EP400: variants seen among roughly 807,000 people sequenced by gnomAD.
EP400 encodes the protein E1A-binding protein p400.
Under a neutral mutation model 354.1 loss-of-function variants are expected in EP400, and 105 were observed. The observed-to-expected ratio is 0.30, with a 90% confidence interval of 0.25 to 0.35. The LOEUF is 0.35. Among genes scored for constraint, EP400 ranks in the 10% least tolerant of loss-of-function variants. The pLI, the probability that EP400 is intolerant of heterozygous loss-of-function variation, is 1.00. For synonymous variants in EP400, 1,646 were observed against 1,716.9 expected (o/e 0.96, Z 1.02); for missense variants, 3,280 against 4,121.0 (o/e 0.80, Z 5.59).
At position 131,990,688 on chromosome 12, in the gene EP400, TA is replaced by T; in HGVS notation, c.2606del (p.Asn869IlefsTer12). On this transcript the variant is annotated frameshift_variant, in exon 9 of 53. Transcript: ENST00000389561. LOFTEE classifies it high-confidence loss of function. The surrounding 1 kb of genome is among the most constrained non-coding windows in gnomAD (Gnocchi z 4.2). ...TTAGAAGAAAAAAGGAAGAAGGCCT[TA>T]AATTTACAGAAAGTTTCCAGGAGAG... The part of the protein sequence containing the change: ...VELEEKRKKA[L>X]NLQKVSRRGK... 1 of 1,612,784 alleles carries T rather than the reference TA, an allele frequency of 6.2e-7. No individual in the cohort carries two copies.
chr12:131,955,571 C>A (rs1356690768), intron 1 of EP400, among the ~76,000 whole-genome samples: 1 of 150,872 alleles, frequency 6.6e-6, no homozygotes, highest in Admixed American at 6.6e-5. Context: ...CGTGAGCCAG[C>A]GTGCTCATCC....
At chr12:131,950,488 AC>A (rs1238031095) in intron 1 of EP400, among the ~76,000 whole-genome samples, 3 of 151,940 alleles carry the variant, frequency 2.0e-5, no homozygotes, top group Admixed American at 2.0e-4. Context: ...GACGTCCAGA[AC>A]CACTTTCCTG....
At chr12:132,010,540 G>A (rs1893731408) in intron 15 of EP400, among the ~76,000 whole-genome samples, 1 of 152,178 alleles carries the variant, frequency 6.6e-6, no homozygotes, top group South Asian at 2.1e-4. Context: ...TGGATGTGTT[G>A]TAAATATTTG....
rs1436905820 is a variant in EP400 at position 131,961,666 on chromosome 12, G to A, written c.1047G>A (p.Lys349=). The change falls in exon 2 of 53, where the codon AAG becomes AAA. Residue 349 remains lysine (K), a synonymous_variant. Coordinates refer to ENST00000389561, the MANE Select transcript of EP400 (RefSeq NM_015409.5). ...VGNTGMKKVP[K]KLEEIPPASP... Reference sequence around the variant, plus strand: ...ACACGGGAATGAAGAAGGTTCCCAAGAAGTTAGAGGAGATTCCCCCAGCCT... The same window carrying A: ...ACACGGGAATGAAGAAGGTTCCCAAAAAGTTAGAGGAGATTCCCCCAGCCT... The A allele has an allele frequency of 1.2e-6, 2 of 1,611,598 alleles. No individual in the cohort carries two copies. The highest frequency in any genetic ancestry group is 4.5e-5 in the East Asian group (2 of 44,816).
In EP400 at chr12:132,055,095, G is replaced by T. The variant is rs375837126; in HGVS notation, c.7775-4G>T. 2 of 1,613,748 alleles carry T rather than the reference G, an allele frequency of 1.2e-6. No individual in the cohort carries two copies. The highest frequency in any genetic ancestry group is 2.2e-5 in the South Asian group (2 of 91,036). On this transcript the variant is annotated splice_region_variant and splice_polypyrimidine_tract_variant and intron_variant, in intron 44 of 52. Transcript: ENST00000389561. ...TGTTGCCTTATGCCCGCCTGTCTCC[G>T]CAGGTGCCGTGAGTGGAAATGTGAT... is the stretch of plus-strand genomic sequence containing the variant.
intron 2 of EP400, among the ~76,000 whole-genome samples, chr12:131,967,698 A>G (rs1031202874): frequency 2.0e-5 from 3 of 151,948 alleles, no homozygotes; most frequent in African/African-American, 7.2e-5. Flanking sequence ...TCAAAAAGAA[A>G]AAAAAAAAAA....
chr12:132,004,672 A>G (rs1249934412), intron 12 of EP400, among the ~76,000 whole-genome samples: 4 of 152,182 alleles, frequency 2.6e-5, no homozygotes, highest in African/African-American at 9.7e-5. Context: ...TATAGAGAAA[A>G]TATTTTATAC....
chr12:132,048,603 AC>A (rs1210355650), intron 39 of EP400, among the ~76,000 whole-genome samples: 3 of 151,248 alleles, frequency 2.0e-5, no homozygotes, highest in Non-Finnish European at 4.4e-5. Context: ...GCTCACTGCA[AC>A]CTCTGCCTCT....
intron 1 of EP400, among the ~76,000 whole-genome samples, chr12:131,957,077 G>A (rs1178930345): frequency 6.6e-6 from 1 of 151,782 alleles, no homozygotes. Flanking sequence ...TACCATATTG[G>A]TCAGGCTGGT....
At chr12:131,960,390 G>A (rs371965516) in intron 1 of EP400, among the ~76,000 whole-genome samples, 195 bp from the exon 2 acceptor site, 1 of 152,144 alleles carries the variant, frequency 6.6e-6, no homozygotes, top group Non-Finnish European at 1.5e-5. Context: ...ACCCACTCCC[G>A]TGTGGCCCAC....
At chr12:132,062,357 G>A (rs769848991) in intron 46 of EP400, 34 bp downstream of exon 46, 5 of 1,613,402 alleles carry the variant, frequency 3.1e-6, no homozygotes, top group Admixed American at 3.3e-5. Context: ...TCTGCCACAC[G>A]TCTGCTCTGG....
At chr12:131,974,115 A>G (rs1362770720) in intron 2 of EP400, among the ~76,000 whole-genome samples, 1 of 151,340 alleles carries the variant, frequency 6.6e-6, no homozygotes, top group Non-Finnish European at 1.5e-5. Context: ...AGTAGCTGGG[A>G]CTACAGGCGT....
rs1394630372 is a variant in EP400 at position 132,018,442 on chromosome 12, A to G, written c.4277+66A>G. ...GGGCCCCCACAGCTGACCCAGGTCT[A>G]TGCGTGGTGAAAAGAAAGGCTGCTA... On this transcript the variant is annotated intron_variant, in intron 21 of 52. Transcript: ENST00000389561. The surrounding 1 kb of genome is among the most constrained non-coding windows in gnomAD (Gnocchi z 4.0). 1.3e-6 allele frequency: 2 copies of G among 1,532,914 alleles called. No individual in the cohort carries two copies. Among genetic ancestry groups the G allele is most frequent in the East Asian group, 4.5e-5 (2 of 44,262 alleles). 95.0% of individuals were successfully genotyped at this position (1,532,914 alleles called of 1,614,324 possible).
chr12:132,013,956 C>T lies in EP400; in HGVS notation c.3923+43C>T, dbSNP rs1893842717. The T allele has an allele frequency of 1.2e-6, 2 of 1,600,168 alleles. No homozygotes were observed. The highest frequency in any genetic ancestry group is 1.3e-5 in the African/African-American group (1 of 74,170). On this transcript the variant is annotated intron_variant, in intron 19 of 52. Coordinates refer to ENST00000389561, the MANE Select transcript of EP400 (RefSeq NM_015409.5). This position sits in a 1 kb window ranked among gnomAD's most constrained non-coding sequence, Gnocchi z 4.5. ...GCATGTGCCCCCTTTGCTGTCCCTGCCTGTGAGGGAAAACGGCCCTTTCTG... is the reference window on the plus strand; with the variant it reads ...GCATGTGCCCCCTTTGCTGTCCCTGTCTGTGAGGGAAAACGGCCCTTTCTG...
intron 16 of EP400, among the ~76,000 whole-genome samples, chr12:132,012,504 A>G (rs1270361526): frequency 6.6e-6 from 1 of 152,222 alleles, no homozygotes; most frequent in African/African-American, 2.4e-5. Flanking sequence ...CCTTGAGAGC[A>G]GGGAAGTCTC....
At chr12:131,998,068 T>A (rs1197601228) in intron 12 of EP400, among the ~76,000 whole-genome samples, 1 of 152,238 alleles carries the variant, frequency 6.6e-6, no homozygotes, top group Non-Finnish European at 1.5e-5. Context: ...TGATCTTAAG[T>A]GCCAGCTCAG....
At position 132,020,142 on chromosome 12, in the gene EP400, G is replaced by C. The variant is rs769863710; in HGVS notation, c.4371G>C (p.Thr1457=). The C allele has an allele frequency of 6.2e-7, 1 of 1,611,548 alleles. No homozygotes were observed. The highest frequency in any genetic ancestry group is 8.5e-7 in the Non-Finnish European group (1 of 1,179,096). The change falls in exon 22 of 53, where the codon ACG becomes ACC. Residue 1457 remains threonine, a synonymous_variant. Coordinates refer to ENST00000389561, the MANE Select transcript of EP400 (RefSeq NM_015409.5). ...THPPRTAAPT[T]ASAAPQGPLR... ...CGCCCCGGACGGCAGCCCCCACCACGGCCTCTGCTGCTCCACAGGGCCCGC... is the reference window on the plus strand; with the variant it reads ...CGCCCCGGACGGCAGCCCCCACCACCGCCTCTGCTGCTCCACAGGGCCCGC...
At chr12:132,034,690 G>A (rs1894634581) in intron 30 of EP400, among the ~76,000 whole-genome samples, 1 of 152,218 alleles carries the variant, frequency 6.6e-6, no homozygotes, top group African/African-American at 2.4e-5. Flanking sequence ...TAACTGGAGG[G>A]CCTTTCTGTC....
intron 2 of EP400, among the ~76,000 whole-genome samples, chr12:131,975,056 G>C (rs1673168007): frequency 6.6e-6 from 1 of 151,100 alleles, no homozygotes; most frequent in Admixed American, 6.6e-5. Context: ...ACAGAATAAG[G>C]TAAAACTAAA....
Sources: gnomAD v4.1 joint callset for allele counts (sites outside exome capture counted in the v4.1 genomes callset) on GRCh38, gnomAD v4.1.1 for gene constraint, Gnocchi (gnomAD v3.1) non-coding constraint, MANE v1.5 for transcripts, NCBI Gene and HGNC (gene_info 2026-07-23, HGNC 2026-07-21) for gene names.